The following SRPX variants were observed in gnomAD, a reference collection of about 807,000 sequenced individuals.
The protein encoded by SRPX is sushi repeat containing protein X-linked, also known as sushi repeat-containing protein SRPX.
A neutral mutation model predicts 38.1 loss-of-function variants in SRPX; 24 were observed. The observed-to-expected ratio is 0.63, with a 90% CI of 0.46 to 0.89. The LOEUF (loss-of-function observed/expected upper bound fraction) is 0.89. Ranked by LOEUF, SRPX falls within the 40% of genes least tolerant of loss-of-function variation. The pLI, the probability that SRPX is intolerant of heterozygous loss-of-function variation, is 0.00. For synonymous variants in SRPX, 184 were observed against 153.8 expected (o/e 1.20, Z -1.45); for missense variants, 416 against 377.8 (o/e 1.10, Z -0.84).
chrX:38,214,492 A>G (rs961562611), intron 1 of SRPX, among the ~76,000 whole-genome samples: 27 of 111,425 alleles, frequency 2.4e-4, no homozygotes, highest in African/African-American at 8.8e-4. Context: ...AGACCATGAG[A>G]ATACAAAAAT....
At chrX:38,217,614 A>G (rs1285731180) in intron 1 of SRPX, among the ~76,000 whole-genome samples, 1 of 111,924 alleles carries the variant, frequency 8.9e-6, no homozygotes, top group Non-Finnish European at 1.9e-5. Context: ...TGAGTAAGGG[A>G]GTGATGTGAT....
chrX:38,179,228 G>A (rs2147100291), intron 1 of SRPX, among the ~76,000 whole-genome samples: 1 of 112,075 alleles, frequency 8.9e-6, no homozygotes, highest in African/African-American at 3.2e-5. Context: ...TTACAGGCGT[G>A]AGCCACCGTG....
intron 1 of SRPX, among the ~76,000 whole-genome samples, chrX:38,203,971 A>G (rs1309106577): frequency 8.9e-6 from 1 of 112,398 alleles, no homozygotes; most frequent in African/African-American, 3.2e-5. Context: ...TAGAGAGGAA[A>G]GTTAAGAAAA....
intron 1 of SRPX, among the ~76,000 whole-genome samples, chrX:38,195,030 G>A (rs1326309545): frequency 3.7e-5 from 4 of 108,356 alleles, no homozygotes; most frequent in Admixed American, 3.0e-4. Flanking sequence ...GTGCCACCAC[G>A]CCCAGCTAAT....
intron 7 of SRPX, among the ~76,000 whole-genome samples, chrX:38,159,038 T>C (rs1013162314): frequency 8.9e-6 from 1 of 112,043 alleles, no homozygotes; most frequent in Non-Finnish European, 1.9e-5. Flanking sequence ...AATGATTTTA[T>C]GTTTTATCTA....
In SRPX at chrX:38,164,909, C is replaced by T; in HGVS notation, c.527-14G>A. On this transcript the variant is annotated splice_polypyrimidine_tract_variant and intron_variant, in intron 4 of 9. Transcript: ENST00000378533. The stretch of plus-strand genomic sequence containing the variant: ...GAGGTTCCATATCTGAAAATATAAC[C>T]AAAACATTCTCATCATCATCAAGAA... 1 of 1,204,310 alleles carries T rather than the reference C, an allele frequency of 8.3e-7. No individual in the cohort carries two copies. The highest frequency in any genetic ancestry group is 1.1e-6 in the Non-Finnish European group (1 of 891,320).
chrX:38,149,749 C>T lies in SRPX; in HGVS notation c.1357G>A (p.Val453Ile). The T allele has an allele frequency of 1.7e-6, 2 of 1,210,957 alleles. No homozygotes were observed. The highest frequency in any genetic ancestry group is 2.2e-6 in the Non-Finnish European group (2 of 895,244). ...GTCTGGCTCATTTCGGCTTGTAGGA[C>T]CATCTCTTCTTTTCTCAAGGGAAAA... Reference protein sequence around the residue: ...DTFPLRKEEMVLQAEMSQTCN... With the variant: ...DTFPLRKEEMILQAEMSQTCN... The change falls in exon 10 of 10, where the codon GTC (valine) becomes ATC (isoleucine). Residue 453 changes from valine to isoleucine, a missense_variant. Val to Ile is a conservative substitution (Grantham distance 29). Transcript: ENST00000378533.
At chrX:38,168,895 G>A (rs1432151740) in intron 4 of SRPX, among the ~76,000 whole-genome samples, 1 of 112,302 alleles carries the variant, frequency 8.9e-6, no homozygotes, top group African/African-American at 3.2e-5. Flanking sequence ...GCTCATGCCT[G>A]TAGCCCCAGC....
At position 38,220,870 on chromosome X, in the gene SRPX, C is replaced by T. The variant is rs955109776; in HGVS notation, c.-78G>A. On this transcript the variant is annotated 5_prime_UTR_variant, in exon 1 of 10. Transcript: ENST00000378533. Reference sequence around the variant, plus strand: ...GCAGGAGACCGAAGAGACCAAGGGACTGCGTGCTAGCGGGCGGGCGAAGGC... The same window carrying T: ...GCAGGAGACCGAAGAGACCAAGGGATTGCGTGCTAGCGGGCGGGCGAAGGC... 29 of 1,044,259 alleles carry T rather than the reference C, an allele frequency of 2.8e-5. No homozygotes were observed. The highest frequency in any genetic ancestry group is 3.5e-5 in the Non-Finnish European group (29 of 821,351). The allele number at this position is 1,044,259 out of a possible 1,213,427, so 86.1% of individuals were successfully genotyped here. A position where few individuals can be genotyped will look rare whatever the true frequency, so the allele number is the denominator to read the frequency against.
intron 5 of SRPX, 62 bp downstream of exon 5, chrX:38,164,707 C>G (rs1938330993): frequency 3.4e-6 from 4 of 1,170,940 alleles, no homozygotes; most frequent in Non-Finnish European, 4.6e-6. Context: ...CTCCCCTACT[C>G]TGGGTAGTAA....
intron 1 of SRPX, among the ~76,000 whole-genome samples, chrX:38,201,713 G>A (rs1939115607): frequency 9.0e-6 from 1 of 110,618 alleles, no homozygotes; most frequent in African/African-American, 3.3e-5. Context: ...CAGCTACTCG[G>A]GAGGCTGAGG....
chrX:38,151,533 G>T (rs899816411), intron 9 of SRPX, among the ~76,000 whole-genome samples: 2 of 111,190 alleles, frequency 1.8e-5, no homozygotes, highest in African/African-American at 6.6e-5. Context: ...CACCACCACG[G>T]TGCCACCATC....
chrX:38,210,858 A>G (rs1415866831), intron 1 of SRPX, among the ~76,000 whole-genome samples: 2 of 112,020 alleles, frequency 1.8e-5, no homozygotes, highest in Non-Finnish European at 3.8e-5. Flanking sequence ...CCAAACACCC[A>G]GGAATCTTGT....
In SRPX at chrX:38,174,205, T is replaced by C; in HGVS notation, c.304A>G (p.Ile102Val). Residue 102 changes from isoleucine to valine, a missense_variant, in exon 3 of 10, where the codon ATC becomes GTC. Physicochemically the swap from Ile to Val is conservative, Grantham distance 29. Transcript: ENST00000378533. ...GYELHGSSLL[I>V]CQSNKRWSDK... is the part of the protein sequence containing the mutation. ...GACCATCGTTTGTTTGACTGGCAGA[T>C]CAGTAGGGAAGAGCCATGCAGCTCG... 1 of 1,130,221 alleles carries C rather than the reference T, an allele frequency of 8.8e-7. No homozygotes were observed. The highest frequency in any genetic ancestry group is 2.3e-5 in the South Asian group (1 of 43,328). The allele number at this position is 1,130,221 out of a possible 1,213,427, so 93.1% of individuals were successfully genotyped here.
At chrX:38,194,895 T>A (rs756770897) in intron 1 of SRPX, among the ~76,000 whole-genome samples, 2 of 80,706 alleles carry the variant, frequency 2.5e-5, no homozygotes, top group East Asian at 7.6e-4. Flanking sequence ...TTTTTTGAGA[T>A]ACAGTCTTGC....
At position 38,220,837 on chromosome X, in the gene SRPX, CG is replaced by C; in HGVS notation, c.-46del. The C allele has an allele frequency of 9.4e-7, 1 of 1,063,746 alleles. No homozygotes were observed. Among genetic ancestry groups the C allele is most frequent in the Non-Finnish European group, 1.2e-6 (1 of 832,455 alleles). The allele number at this position is 1,063,746 out of a possible 1,213,427, so 87.7% of individuals were successfully genotyped here. On this transcript the variant is annotated 5_prime_UTR_variant, in exon 1 of 10. Transcript: ENST00000378533. ...CGCCTCGGCAGCGCAGCGCGCTTCC[CG>C]GGGGCGGCAGGAGACCGAAGAGACC...
At chrX:38,200,441 A>T (rs1939087774) in intron 1 of SRPX, among the ~76,000 whole-genome samples, 1 of 112,171 alleles carries the variant, frequency 8.9e-6, no homozygotes, top group South Asian at 3.7e-4. Context: ...CTATCTAATA[A>T]AGCAGAAGAA....
intron 1 of SRPX, among the ~76,000 whole-genome samples, chrX:38,194,811 A>G (rs939308103): frequency 1.8e-5 from 2 of 109,723 alleles, no homozygotes; most frequent in Admixed American, 1.9e-4. Flanking sequence ...CCATTTATAC[A>G]CAAGTCAAAA....
chrX:38,199,331 G>A (rs370048099), intron 1 of SRPX, among the ~76,000 whole-genome samples: 7 of 111,351 alleles, frequency 6.3e-5, no homozygotes, highest in South Asian at 3.8e-4. Context: ...GCGTGAACCC[G>A]GGAGGCGGAG....
Sources: allele counts gnomAD v4.1 joint callset (sites outside exome capture counted in the v4.1 genomes callset), GRCh38; gene constraint gnomAD v4.1.1; transcripts MANE v1.5; gene names NCBI Gene and HGNC (gene_info 2026-07-23, HGNC 2026-07-21).